Variants in GSN observed in about 807,000 individuals in gnomAD.
GSN encodes the protein gelsolin.
A neutral mutation model predicts 85.7 loss-of-function variants in GSN; 56 were observed. The ratio of observed to expected loss-of-function variants is 0.65; its 90% confidence interval spans 0.53 to 0.82. GSN has a LOEUF of 0.82. Ranked by LOEUF, GSN falls within the 40% of genes least tolerant of loss-of-function variation. The pLI, the probability that GSN is intolerant of heterozygous loss-of-function variation, is 0.00. For synonymous variants in GSN, 373 were observed against 399.1 expected, an observed-to-expected ratio of 0.93 and a Z score of 0.78; for missense variants, 857 against 979.8, an observed-to-expected ratio of 0.87 and a Z score of 1.67.
chr9:121,306,789 T>G (rs1303717511), intron 4 of GSN, among the ~76,000 whole-genome samples: 1 of 152,256 alleles, frequency 6.6e-6, no homozygotes, highest in East Asian at 1.9e-4. Context: ...TAATTTATTT[T>G]TGTTAATTAA....
At chr9:121,296,135 T>A (rs1398590604) in intron 2 of GSN, among the ~76,000 whole-genome samples, 1 of 152,160 alleles carries the variant, frequency 6.6e-6, no homozygotes, top group East Asian at 1.9e-4. Flanking sequence ...TTGGGCTTGA[T>A]TGATTTAGCC....
chr9:121,237,747 C>A (rs10985188), intron 5 of GSN, among the ~76,000 whole-genome samples: 57,630 of 152,016 alleles, frequency 0.38, 13,628 homozygotes, highest in East Asian at 0.62. Context: ...CATTATAACT[C>A]AGAGGCTGAT....
intron 10 of GSN, among the ~76,000 whole-genome samples, chr9:121,319,791 A>G (rs536133304): frequency 2.0e-5 from 3 of 152,304 alleles, no homozygotes; most frequent in Admixed American, 2.0e-4. Flanking sequence ...GCTTGTTCTA[A>G]TACTGTAGGG....
At chr9:121,327,264 G>A (rs1438246122) in intron 13 of GSN, 44 bp from the exon 14 acceptor site, 1 of 1,538,264 alleles carries the variant, frequency 6.5e-7, no homozygotes, top group African/African-American at 1.4e-5. Flanking sequence ...GGGGGCTGAG[G>A]GCTTTTTGTC....
chr9:121,300,064 G>C (rs2133149134), intron 2 of GSN: 1 of 1,608,826 alleles, frequency 6.2e-7, no homozygotes, highest in African/African-American at 1.3e-5. Flanking sequence ...AGTTCTTGCA[G>C]ATACAGCGCT....
chr9:121,327,904 T>G (rs429393), intron 14 of GSN, among the ~76,000 whole-genome samples: 128,792 of 150,070 alleles, frequency 0.86, 55,438 homozygotes, highest in East Asian at 0.99. Context: ...AACCCGAGAG[T>G]TGGAGGTTGC....
chr9:121,331,328 T>A, intron 16 of GSN, 60 bp from the exon 17 acceptor site: 1 of 1,090,560 alleles, frequency 9.2e-7, no homozygotes, highest in Non-Finnish European at 1.4e-6. Context: ...CCAGTCTTCC[T>A]CCAGCCGTGA....
intron 12 of GSN, among the ~76,000 whole-genome samples, chr9:121,325,269 AG>A (rs1256649615): frequency 2.6e-5 from 4 of 152,214 alleles, no homozygotes; most frequent in Non-Finnish European, 5.9e-5. Context: ...GGATTAGAAA[AG>A]CCCACCCCTG....
rs1234005072 is a variant in GSN, at chr9:121,327,272, G to A, written c.1588-36G>A. The A allele has an allele frequency of 8.8e-6, 14 of 1,587,766 alleles. No homozygotes were observed. The East Asian group carries it at 2.5e-4, about 28-fold the overall frequency. On this transcript the variant is annotated intron_variant, in intron 13 of 17. Coordinates refer to ENST00000432226, the MANE Select transcript of GSN (RefSeq NM_198252.3). ...GTGAGGAGGGGGCTGAGGGCTTTTT[G>A]TCTGGTTCCTGATTAACCAAGCTGT...
intron 5 of GSN, among the ~76,000 whole-genome samples, chr9:121,232,827 T>G (rs536704556): frequency 6.6e-6 from 1 of 152,340 alleles, no homozygotes; most frequent in Admixed American, 6.5e-5. Flanking sequence ...GGGTACTTCC[T>G]TTCAAGAACC....
intron 2 of GSN, chr9:121,297,823 A>G (rs1172058519): frequency 6.6e-6 from 1 of 152,082 alleles, no homozygotes; most frequent in East Asian, 1.9e-4. Flanking sequence ...ATCCTTGCAC[A>G]TATATTTTTG....
At chr9:121,264,451 A>G (rs556956841), upstream of GSN, among the ~76,000 whole-genome samples, 23 of 152,328 alleles carry the variant, frequency 1.5e-4, no homozygotes, top group Admixed American at 5.2e-4. Context: ...CTTGTCTCAA[A>G]AAAATCCACA....
Position 121,261,117 on chromosome 9 carries a change from AC to A in GSN, c.-340-4036del, listed in dbSNP as rs1444637261. 6.6e-6 allele frequency among the ~76,000 whole-genome samples: 1 copy of A among 152,238 alleles called. No individual in the cohort carries two copies. The highest frequency in any genetic ancestry group is 1.5e-5 in the Non-Finnish European group (1 of 68,038). On this transcript the variant is annotated intron_variant, in intron 6 of 24. Transcript: ENST00000373823. The surrounding 1 kb of genome is among the most constrained non-coding windows in gnomAD (Gnocchi z 4.1). Reference sequence around the variant, plus strand: ...CTCTGTAAATGGTGCAGTCCACTGTACAAAGTACTGCCCCCTCCCATCCCAC... The same window carrying A: ...CTCTGTAAATGGTGCAGTCCACTGTAAAAGTACTGCCCCCTCCCATCCCAC...
In GSN at chr9:121,227,135, C is replaced by T. The variant is rs1458010690; in HGVS notation, c.-527-4030C>T. Among the ~76,000 whole-genome samples, 4 of 152,100 alleles carry T rather than the reference C, an allele frequency of 2.6e-5. No homozygotes were observed. In the East Asian group the frequency reaches 7.7e-4, roughly 29 times the overall value. Reference sequence around the variant, plus strand: ...AAGGCTTGGCATGGTGGCTCACACTCGTAATCCTAGCACTTTGGGAGGCCG... The same window carrying T: ...AAGGCTTGGCATGGTGGCTCACACTTGTAATCCTAGCACTTTGGGAGGCCG... On this transcript the variant is annotated intron_variant, in intron 4 of 24. Coordinates refer to the GSN transcript ENST00000373823.
rs755312209 is a variant in GSN, at chr9:121,317,085, G to T, written c.754-1G>T. On this transcript the variant is annotated splice_acceptor_variant, in intron 7 of 17. Coordinates refer to ENST00000432226, the MANE Select transcript of GSN (RefSeq NM_198252.3). LOFTEE classifies it high-confidence loss of function. ...TGGTTCCTTCTGCTTCGTCCCCTCA[G>T]GTCTCCAATGGTGCAGGGACCATGT... 14 of 1,614,158 alleles carry T rather than the reference G, an allele frequency of 8.7e-6. No homozygotes were observed. The highest frequency in any genetic ancestry group is 1.0e-5 in the Non-Finnish European group (12 of 1,180,028).
At chr9:121,216,650 C>T (rs2054070256) in intron 4 of GSN, among the ~76,000 whole-genome samples, 1 of 152,174 alleles carries the variant, frequency 6.6e-6, no homozygotes, top group Non-Finnish European at 1.5e-5. Context: ...TACCTTGCTT[C>T]TGTATTTTGC....
chr9:121,257,048 A>C (rs1294345085), intron 6 of GSN, among the ~76,000 whole-genome samples: 1 of 152,236 alleles, frequency 6.6e-6, no homozygotes, highest in Non-Finnish European at 1.5e-5. Flanking sequence ...ATAGAGATCC[A>C]AATTACCCTG....
At chr9:121,274,446 A>G (rs1023930410) in intron 1 of GSN, among the ~76,000 whole-genome samples, 13 of 152,184 alleles carry the variant, frequency 8.5e-5, no homozygotes, top group African/African-American at 3.1e-4. Context: ...ATTATTTCCT[A>G]GAAGTGAGCC....
chr9:121,325,966 T>A (rs2063111173), intron 12 of GSN, among the ~76,000 whole-genome samples: 1 of 151,826 alleles, frequency 6.6e-6, no homozygotes, highest in South Asian at 2.1e-4. Context: ...CTGGACATAG[T>A]TAGCCGGGGC....
Sources: allele counts gnomAD v4.1 joint callset (sites outside exome capture counted in the v4.1 genomes callset), GRCh38; gene constraint gnomAD v4.1.1; non-coding constraint Gnocchi (gnomAD v3.1); transcripts MANE v1.5; gene names NCBI Gene and HGNC (gene_info 2026-07-23, HGNC 2026-07-21).